KDM6A: variants seen among roughly 807,000 people sequenced by gnomAD.
The protein encoded by KDM6A is lysine-specific demethylase 6A.
In KDM6A, 11 loss-of-function variants were observed where a neutral mutation model predicts 117.6. The ratio of observed to expected loss-of-function variants is 0.09; its 90% CI spans 0.06 to 0.15. The LOEUF is 0.15. KDM6A is among the 10% of genes least tolerant of loss of function. The pLI, the probability that KDM6A is intolerant of heterozygous loss-of-function variation, is 1.00. For synonymous variants in KDM6A, 384 were observed against 396.1 expected, an observed-to-expected ratio of 0.97 and a Z score of 0.36; for missense variants, 799 against 1,077.3, an observed-to-expected ratio of 0.74 and a Z score of 3.62.
chrX:44,998,654 A>AT (rs1309757440), intron 4 of KDM6A, among the ~76,000 whole-genome samples: 2 of 110,976 alleles, frequency 1.8e-5, no homozygotes, highest in African/African-American at 3.3e-5. Flanking sequence ...TTAATAGCAG[A>AT]TTTTTTTCCC....
chrX:45,106,457 G>A, intron 27 of KDM6A: 1 of 313,842 alleles, frequency 3.2e-6, no homozygotes, highest in Admixed American at 3.4e-5. Context: ...GTGGTGAGTA[G>A]ATAAGTAGAT....
chrX:45,000,522 CAG>C (rs892126641), intron 4 of KDM6A, among the ~76,000 whole-genome samples: 1 of 112,093 alleles, frequency 8.9e-6, no homozygotes, highest in Non-Finnish European at 1.9e-5. Flanking sequence ...AGTTATTTGG[CAG>C]AGTGTCCAGT....
chrX:44,902,668 G>A (rs911588554), intron 2 of KDM6A, among the ~76,000 whole-genome samples: 2 of 112,307 alleles, frequency 1.8e-5, no homozygotes, highest in Admixed American at 9.4e-5. Flanking sequence ...GATTATAGGC[G>A]TGAGCCACAG....
chrX:44,906,812 G>C (rs2034704037), intron 2 of KDM6A, among the ~76,000 whole-genome samples: 1 of 111,615 alleles, frequency 9.0e-6, no homozygotes, highest in Non-Finnish European at 1.9e-5. Flanking sequence ...AGCCACTGTG[G>C]TGCTGGGCCC....
intron 25 of KDM6A, 60 bp from the exon 26 acceptor site, chrX:45,089,683 G>T: frequency 1.2e-6 from 1 of 844,881 alleles, no homozygotes; most frequent in African/African-American, 2.0e-5. Context: ...TTTTCTTCCA[G>T]TCTTACTAGG....
intron 25 of KDM6A, among the ~76,000 whole-genome samples, chrX:45,088,337 T>G (rs890753462): frequency 1.1e-4 from 12 of 113,079 alleles, no homozygotes; most frequent in Non-Finnish European, 2.1e-4. Flanking sequence ...AGGTTCTTTC[T>G]AGATCATAGT....
chrX:44,887,642 G>A (rs2033001952), intron 2 of KDM6A, among the ~76,000 whole-genome samples: 1 of 111,214 alleles, frequency 9.0e-6, no homozygotes, highest in Non-Finnish European at 1.9e-5. Context: ...GCTTTAACTG[G>A]AAAAATATCC....
chrX:45,083,737 T>G, intron 24 of KDM6A, 129 bp downstream of exon 24: 2 of 573,750 alleles, frequency 3.5e-6, no homozygotes, highest in Non-Finnish European at 5.6e-6. Flanking sequence ...TATAAGACTT[T>G]TTAACTGGGC....
At chrX:45,079,045 C>A in intron 20 of KDM6A, 101 bp from the exon 21 acceptor site, 1 of 696,032 alleles carries the variant, frequency 1.4e-6, no homozygotes, top group Non-Finnish European at 2.2e-6. Flanking sequence ...GGATACAGTG[C>A]CGTAAAATGC....
chrX:45,073,036 C>T (rs981910300), intron 18 of KDM6A, among the ~76,000 whole-genome samples: 5 of 109,543 alleles, frequency 4.6e-5, no homozygotes, highest in African/African-American at 6.7e-5. Context: ...TTCCACCCCA[C>T]AGCAGGCCCC....
Position 45,112,311 on chromosome X carries a change from T to G in KDM6A, c.*900T>G, listed in dbSNP as rs190766276. The G allele has an allele frequency of 4.5e-5, 6 of 132,293 alleles. No homozygotes were observed. In the Admixed American group the frequency reaches 5.6e-4, roughly 12 times the overall value. The allele number at this position is 132,293 out of a possible 1,213,427, so 10.9% of individuals were successfully genotyped here. A position where few individuals can be genotyped will look rare whatever the true frequency, so the allele number is the denominator to read the frequency against. On this transcript the variant is annotated 3_prime_UTR_variant, in exon 30 of 30. Transcript: ENST00000611820. ...ATGTACAGTGCCCAGTTTTTGTTCA[T>G]TTTTGAAATCTGATTATATATATTT...
intron 2 of KDM6A, among the ~76,000 whole-genome samples, chrX:44,884,096 C>G (rs1271961048): frequency 5.0e-5 from 3 of 59,888 alleles, no homozygotes; most frequent in African/African-American, 2.6e-4. Flanking sequence ...GAGTGAAACT[C>G]TATCTCAAAA....
Position 45,060,677 on chromosome X carries a change from A to G in KDM6A, c.1398A>G (p.Gln466=). 2 of 1,070,151 alleles carry G rather than the reference A, an allele frequency of 1.9e-6. No individual in the cohort carries two copies. The highest frequency in any genetic ancestry group is 2.5e-6 in the Non-Finnish European group (2 of 810,107). The allele number at this position is 1,070,151 out of a possible 1,213,427, so 88.2% of individuals were successfully genotyped here. The part of the protein sequence containing the change: ...LGLSQTPISQ[Q]SLPLHMIPSS... ...TCAGTCAAACACCAATTTCACAGCA[A>G]TCCTTGCCACTACACATGATTCCTT... Residue 466 remains glutamine, a synonymous_variant, in exon 14 of 30, where the codon CAA becomes CAG. Transcript: ENST00000611820.
chrX:44,903,519 T>C (rs765345984), intron 2 of KDM6A, among the ~76,000 whole-genome samples: 1 of 112,053 alleles, frequency 8.9e-6, no homozygotes, highest in Non-Finnish European at 1.9e-5. Flanking sequence ...CCATTATTTC[T>C]TTAAATGTTT....
intron 17 of KDM6A, among the ~76,000 whole-genome samples, chrX:45,067,079 G>A (rs2044565347): frequency 8.9e-6 from 1 of 111,893 alleles, no homozygotes; most frequent in South Asian, 3.7e-4. Flanking sequence ...GGCCTTTTTG[G>A]TAACTTGTCT....
intron 4 of KDM6A, among the ~76,000 whole-genome samples, chrX:44,984,898 C>CT (rs1462420253): frequency 9.0e-6 from 1 of 111,177 alleles, no homozygotes; most frequent in Non-Finnish European, 1.9e-5. Context: ...AACGCGGGCT[C>CT]TTTTTTGGTT....
chrX:45,056,716 G>A (rs373006890), intron 10 of KDM6A, among the ~76,000 whole-genome samples: 3 of 111,643 alleles, frequency 2.7e-5, no homozygotes, highest in East Asian at 5.6e-4. Flanking sequence ...TTTCATTAGA[G>A]GAAAAGTGGT....
intron 2 of KDM6A, among the ~76,000 whole-genome samples, chrX:44,927,357 A>G (rs913707691): frequency 3.6e-5 from 4 of 111,014 alleles, no homozygotes; most frequent in Middle Eastern, 4.6e-3. Flanking sequence ...ACTATATATA[A>G]AACAATAGCA....
chrX:45,106,013 C>G (rs933004108), intron 27 of KDM6A, among the ~76,000 whole-genome samples: 1 of 111,426 alleles, frequency 9.0e-6, no homozygotes, highest in African/African-American at 3.3e-5. Flanking sequence ...CATTCCCCCC[C>G]GCCCCTTCCC....
Sources: allele counts gnomAD v4.1 joint callset (sites outside exome capture counted in the v4.1 genomes callset), GRCh38; gene constraint gnomAD v4.1.1; transcripts MANE v1.5; gene names NCBI Gene and HGNC (gene_info 2026-07-23, HGNC 2026-07-21).